Variants in TMPRSS15 observed in about 807,000 individuals in gnomAD.
TMPRSS15 encodes the protein transmembrane serine protease 15.
TMPRSS15 carries 128 observed loss-of-function variants against 125.3 expected under a neutral mutation model. That is an observed-to-expected ratio of 1.02 (90% CI 0.89 to 1.18). The LOEUF (loss-of-function observed/expected upper bound fraction) is 1.18. Ranked by LOEUF, TMPRSS15 falls within the 50% of genes most tolerant of loss-of-function variation. TMPRSS15 has a pLI of 0.00. For missense variants in TMPRSS15, 1,283 were observed against 1,212.7 expected, an observed-to-expected ratio of 1.06 and a Z score of -0.86; for synonymous variants, 446 against 423.2, an observed-to-expected ratio of 1.05 and a Z score of -0.66.
intron 18 of TMPRSS15, among the ~76,000 whole-genome samples, chr21:18,309,648 C>T (rs191636279): frequency 6.6e-6 from 1 of 152,204 alleles, no homozygotes; most frequent in African/African-American, 2.4e-5. Flanking sequence ...CAAAAGAAGA[C>T]ATTTATGCAG....
At chr21:18,478,478 C>T (rs1391982079) in intron 1 of TMPRSS15, among the ~76,000 whole-genome samples, 1 of 152,012 alleles carries the variant, frequency 6.6e-6, no homozygotes, top group African/African-American at 2.4e-5. Flanking sequence ...TTTATTACCA[C>T]CTCACAGTAC....
chr21:18,395,365 C>A (rs2076025412), intron 3 of TMPRSS15, among the ~76,000 whole-genome samples: 1 of 152,138 alleles, frequency 6.6e-6, no homozygotes, highest in African/African-American at 2.4e-5. Flanking sequence ...GAAAAGTAAC[C>A]TAGCCTCTCT....
rs150060011 is a variant in TMPRSS15, at chr21:18,410,112, A to G, written c.11-11783T>C. On this transcript the variant is annotated intron_variant, in intron 1 of 7. Coordinates refer to the TMPRSS15 transcript ENST00000422787. Reference sequence around the variant, plus strand: ...CAGTTTTGAAGAAATTAACCTGGATATGCATTTTTTTTTTTTTTGCAATTT... The same window carrying G: ...CAGTTTTGAAGAAATTAACCTGGATGTGCATTTTTTTTTTTTTTGCAATTT... 1.2e-3 allele frequency among the ~76,000 whole-genome samples: 141 copies of G among 122,224 alleles called. 1 individual carries two copies. In the East Asian group the frequency reaches 0.027, roughly 23 times the overall value. 80.2% of individuals were successfully genotyped at this position (122,224 alleles called of 152,430 possible).
chr21:18,375,063 G>T (rs1485612249), intron 5 of TMPRSS15, among the ~76,000 whole-genome samples: 1 of 152,150 alleles, frequency 6.6e-6, no homozygotes, highest in Non-Finnish European at 1.5e-5. Flanking sequence ...GGAATATTAG[G>T]TATTGTTTTA....
In TMPRSS15 at chr21:18,321,138, G is replaced by C. The variant is rs149550814; in HGVS notation, c.1921+5294C>G. ...TAAGACTCTGAGTATCAGAAAAGAG[G>C]AATAAGGGGACATTTATAGGAGACA... On this transcript the variant is annotated intron_variant, in intron 16 of 24. Coordinates refer to ENST00000284885, the MANE Select transcript of TMPRSS15 (RefSeq NM_002772.3). 3.2e-3 allele frequency among the ~76,000 whole-genome samples: 485 copies of C among 152,102 alleles called. 6 individuals are homozygous for C. The highest frequency in any genetic ancestry group is 0.01 in the African/African-American group (432 of 41,478).
intron 5 of TMPRSS15, among the ~76,000 whole-genome samples, chr21:18,378,131 T>A (rs905897214): frequency 5.9e-5 from 9 of 152,154 alleles, no homozygotes; most frequent in Non-Finnish European, 1.5e-5. Flanking sequence ...TTACTGGCTT[T>A]CAAGGTTTTA....
intron 7 of TMPRSS15, 41 bp downstream of exon 7, chr21:18,365,099 C>T (rs752937933): frequency 1.8e-5 from 27 of 1,541,702 alleles, no homozygotes; most frequent in Non-Finnish European, 2.3e-5. Context: ...CAGAAAAACG[C>T]TTTATGACTT....
intron 1 of TMPRSS15, among the ~76,000 whole-genome samples, chr21:18,469,236 G>C (rs898692511): frequency 1.3e-5 from 2 of 152,092 alleles, no homozygotes; most frequent in African/African-American, 4.8e-5. Flanking sequence ...AAAAGAAGGA[G>C]ATCACTTCCT....
chr21:18,427,139 T>C (rs770173539), intron 1 of TMPRSS15, among the ~76,000 whole-genome samples: 1 of 152,230 alleles, frequency 6.6e-6, no homozygotes, highest in Non-Finnish European at 1.5e-5. Flanking sequence ...GTAAGTTGTA[T>C]AAGGCAGCAG....
intron 19 of TMPRSS15, among the ~76,000 whole-genome samples, chr21:18,296,045 T>C (rs1306351785): frequency 1.3e-5 from 2 of 152,058 alleles, no homozygotes; most frequent in Admixed American, 6.6e-5. Flanking sequence ...CCCAGCTACT[T>C]GGGAGGCTGA....
chr21:18,330,682 C>G (rs1307500606), intron 14 of TMPRSS15, among the ~76,000 whole-genome samples: 1 of 152,124 alleles, frequency 6.6e-6, no homozygotes, highest in Non-Finnish European at 1.5e-5. Context: ...GTCAAATAAA[C>G]AAACATTTTT....
chr21:18,274,750 G>C (rs2074599622), intron 24 of TMPRSS15, among the ~76,000 whole-genome samples: 1 of 152,208 alleles, frequency 6.6e-6, no homozygotes, highest in Non-Finnish European at 1.5e-5. Flanking sequence ...CTGCACGCCT[G>C]GATGATATTC....
At chr21:18,272,277 ATCT>A (rs1022186915) in intron 24 of TMPRSS15, among the ~76,000 whole-genome samples, 21 of 152,238 alleles carry the variant, frequency 1.4e-4, no homozygotes, top group African/African-American at 5.1e-4. Context: ...ATGAGATGGT[ATCT>A]CATTGTGGTT....
At chr21:18,447,755 C>T (rs2076258802) in intron 1 of TMPRSS15, among the ~76,000 whole-genome samples, 2 of 152,066 alleles carry the variant, frequency 1.3e-5, no homozygotes, top group African/African-American at 4.8e-5. Context: ...CTTCCTTTGT[C>T]TTCTGCAATG....
At chr21:18,348,076 T>G (rs2146998111) in intron 10 of TMPRSS15, among the ~76,000 whole-genome samples, 1 of 152,270 alleles carries the variant, frequency 6.6e-6, no homozygotes, top group South Asian at 2.1e-4. Flanking sequence ...TCCCAGCTAC[T>G]CAGGAGGCTG....
At chr21:18,299,088 A>G (rs942464299) in intron 18 of TMPRSS15, among the ~76,000 whole-genome samples, 3 of 152,226 alleles carry the variant, frequency 2.0e-5, no homozygotes, top group Non-Finnish European at 4.4e-5. Flanking sequence ...AGCCATTACC[A>G]TACTTTAATA....
intron 13 of TMPRSS15, among the ~76,000 whole-genome samples, chr21:18,336,197 T>C (rs1195603069): frequency 2.0e-5 from 3 of 152,166 alleles, no homozygotes; most frequent in Non-Finnish European, 4.4e-5. Context: ...AGCTTTCATC[T>C]ACAATAAGAG....
intron 23 of TMPRSS15, among the ~76,000 whole-genome samples, chr21:18,275,985 G>A (rs2074615132): frequency 6.6e-6 from 1 of 152,202 alleles, no homozygotes; most frequent in Non-Finnish European, 1.5e-5. Flanking sequence ...CAAGAGAGAT[G>A]TGAAACAAGC....
intron 1 of TMPRSS15, among the ~76,000 whole-genome samples, chr21:18,483,584 G>A (rs1232857620): frequency 6.6e-6 from 1 of 151,768 alleles, no homozygotes; most frequent in Non-Finnish European, 1.5e-5. Context: ...GCCTCGATTA[G>A]AGATTTGGGT....
Sources: allele counts gnomAD v4.1 joint callset (sites outside exome capture counted in the v4.1 genomes callset), GRCh38; gene constraint gnomAD v4.1.1; transcripts MANE v1.5; gene names NCBI Gene and HGNC (gene_info 2026-07-23, HGNC 2026-07-21).